Variants in DOCK1 observed in about 807,000 individuals in gnomAD.
DOCK1 encodes dedicator of cytokinesis 1.
DOCK1 carries 138 observed loss-of-function variants against 262.7 expected under a neutral mutation model. The ratio of observed to expected loss-of-function variants is 0.53; its 90% CI spans 0.46 to 0.61. DOCK1 has a LOEUF of 0.61. Among genes scored for constraint, DOCK1 ranks in the 20% least tolerant of loss-of-function variants. The pLI is 0.00. For synonymous variants in DOCK1, 866 were observed against 867.4 expected (o/e 1.00, Z 0.03); for missense variants, 1,908 against 2,370.7 (o/e 0.80, Z 4.05).
chr10:127,260,793 AC>A (rs1450921651), intron 29 of DOCK1, among the ~76,000 whole-genome samples: 3 of 65,076 alleles, frequency 4.6e-5, no homozygotes, highest in Admixed American at 3.7e-4. Context: ...GTGTGTGTGT[AC>A]CCGTGCTCAT....
chr10:127,345,520 C>G (rs1226394875), intron 31 of DOCK1, among the ~76,000 whole-genome samples: 1 of 152,248 alleles, frequency 6.6e-6, no homozygotes, highest in African/African-American at 2.4e-5. Flanking sequence ...ACCTGGCCAT[C>G]TTTCCTTCAG....
chr10:127,022,377 C>T (rs745635305), intron 13 of DOCK1, among the ~76,000 whole-genome samples: 19 of 151,972 alleles, frequency 1.3e-4, no homozygotes, highest in South Asian at 4.2e-4. Flanking sequence ...ATGTGCACAA[C>T]GTGCAGGTTT....
chr10:127,303,898 T>C (rs57580049), intron 29 of DOCK1, among the ~76,000 whole-genome samples: 19,671 of 152,124 alleles, frequency 0.13, 1,693 homozygotes, highest in African/African-American at 0.24. Flanking sequence ...GAGCATCATG[T>C]AATCGCGATG....
At chr10:127,000,060 G>T in intron 9 of DOCK1, 112 bp from the exon 10 acceptor site, 1 of 1,213,352 alleles carries the variant, frequency 8.2e-7, no homozygotes, top group Non-Finnish European at 1.2e-6. Context: ...TGATTAAAAT[G>T]ATAAAAACTG....
chr10:127,228,252 C>G (rs975988307), intron 27 of DOCK1, among the ~76,000 whole-genome samples: 5 of 152,146 alleles, frequency 3.3e-5, no homozygotes, highest in Non-Finnish European at 5.9e-5. Context: ...GGTTAAATCA[C>G]TGGGGACCCA....
At position 127,176,633 on chromosome 10, in the gene DOCK1, G is replaced by C. The variant is rs1474980939; in HGVS notation, c.2847+48869G>C. Among the ~76,000 whole-genome samples, 1 of 152,160 alleles carries C rather than the reference G, an allele frequency of 6.6e-6. No individual in the cohort carries two copies. The highest frequency in any genetic ancestry group is 1.5e-5 in the Non-Finnish European group (1 of 68,044). On this transcript the variant is annotated intron_variant, in intron 27 of 51. Transcript: ENST00000623213. The surrounding 1 kb of genome is among the most constrained non-coding windows in gnomAD (Gnocchi z 4.4). ...TTGCTTTTCCAGGTGGGATACACTC[G>C]CTTTCCTTTTGACAGTAATGCATGT... is the stretch of plus-strand genomic sequence containing the variant.
intron 1 of DOCK1, among the ~76,000 whole-genome samples, chr10:126,934,747 GT>G (rs1166445414): frequency 0.015 from 1,566 of 107,268 alleles, 1 homozygote; most frequent in Middle Eastern, 0.023. Flanking sequence ...GAATTTACGA[GT>G]TTTTTTTTTT....
chr10:127,059,431 A>G (rs1411293153), intron 22 of DOCK1, among the ~76,000 whole-genome samples: 1 of 152,136 alleles, frequency 6.6e-6, no homozygotes, highest in Admixed American at 6.5e-5. Context: ...CACTTCAATT[A>G]CATGTATGTT....
intron 25 of DOCK1, among the ~76,000 whole-genome samples, chr10:127,121,997 T>TA (rs1335177340): frequency 1.3e-5 from 2 of 152,210 alleles, no homozygotes; most frequent in Non-Finnish European, 2.9e-5. Context: ...CTTCTGCTCT[T>TA]ATGGAGATTG....
intron 1 of DOCK1, among the ~76,000 whole-genome samples, chr10:126,925,057 C>T (rs900495620): frequency 6.6e-6 from 1 of 152,208 alleles, no homozygotes; most frequent in African/African-American, 2.4e-5. Flanking sequence ...AAAATTCTCA[C>T]TGGGCTTCCC....
intron 23 of DOCK1, among the ~76,000 whole-genome samples, chr10:127,069,596 G>T (rs1374405798): frequency 6.6e-6 from 1 of 152,190 alleles, no homozygotes. Context: ...ATCTATTTGA[G>T]AGTCTCTCAT....
chr10:127,375,908 ACTT>A (rs1468871937), intron 35 of DOCK1, among the ~76,000 whole-genome samples: 2 of 152,210 alleles, frequency 1.3e-5, no homozygotes, highest in Admixed American at 1.3e-4. Flanking sequence ...CTGTAGATAA[ACTT>A]CTGACCCCAA....
At chr10:127,041,148 G>C (rs560302637) in intron 19 of DOCK1, among the ~76,000 whole-genome samples, 2 of 152,186 alleles carry the variant, frequency 1.3e-5, no homozygotes, top group South Asian at 4.2e-4. Flanking sequence ...GGAGTGCAAA[G>C]GCGCAATCTC....
At chr10:126,953,578 G>A (rs1380929097) in intron 1 of DOCK1, among the ~76,000 whole-genome samples, 1 of 152,140 alleles carries the variant, frequency 6.6e-6, no homozygotes, top group Non-Finnish European at 1.5e-5. Flanking sequence ...GATGGCAGGG[G>A]AGGTGCTGGT....
rs865964136 is a variant in DOCK1, at chr10:127,234,386, A to C, written c.2848-13622A>C. Among the ~76,000 whole-genome samples the C allele has an allele frequency of 2.6e-5, 4 of 152,292 alleles. No individual in the cohort carries two copies. In the Middle Eastern group the frequency reaches 0.01, roughly 389 times the overall value. On this transcript the variant is annotated intron_variant, in intron 27 of 51. Transcript: ENST00000623213. ...AATAGTTTACCCTAATATACAAATA[A>C]AAATACACAAAATGTTCAAAGGGTT...
intron 23 of DOCK1, among the ~76,000 whole-genome samples, chr10:127,090,502 G>A (rs963300340): frequency 9.9e-5 from 15 of 151,616 alleles, no homozygotes; most frequent in African/African-American, 3.2e-4. Flanking sequence ...TCTTAATTGC[G>A]GTAAAATACA....
Position 127,384,787 on chromosome 10 carries a change from T to C in DOCK1, c.3808-3T>C, listed in dbSNP as rs775589925. 4.5e-6 allele frequency: 7 copies of C among 1,570,346 alleles called. No individual in the cohort carries two copies. The Admixed American group carries it at 1.2e-4, about 27-fold the overall frequency. Reference sequence around the variant, plus strand: ...GTCCGCTCATGCTATGCTTCTCCCTTAGTGGTCGGAGGATGTGTGTGTGGC... The same window carrying C: ...GTCCGCTCATGCTATGCTTCTCCCTCAGTGGTCGGAGGATGTGTGTGTGGC... On this transcript the variant is annotated splice_region_variant and splice_polypyrimidine_tract_variant and intron_variant, in intron 37 of 51. Coordinates refer to ENST00000623213, the MANE Select transcript of DOCK1 (RefSeq NM_001290223.2).
At chr10:127,272,136 T>C (rs1045883394) in intron 29 of DOCK1, 1 of 152,250 alleles carries the variant, frequency 6.6e-6, no homozygotes, top group South Asian at 2.1e-4. Context: ...TACTTAATAC[T>C]GTACCTGTCA....
chr10:127,334,457 A>AT (rs757568119), intron 29 of DOCK1, among the ~76,000 whole-genome samples: 3 of 152,168 alleles, frequency 2.0e-5, no homozygotes, highest in East Asian at 3.9e-4. Context: ...TTGACCTCAC[A>AT]TTTTTTTAAG....
Sources: gnomAD v4.1 joint callset for allele counts (sites outside exome capture counted in the v4.1 genomes callset) on GRCh38, gnomAD v4.1.1 for gene constraint, Gnocchi (gnomAD v3.1) non-coding constraint, MANE v1.5 for transcripts, NCBI Gene and HGNC (gene_info 2026-07-23, HGNC 2026-07-21) for gene names.